The following GAD1 variants were observed in gnomAD, a reference collection of about 807,000 sequenced individuals.
GAD1 encodes the protein glutamate decarboxylase 1.
Under a neutral mutation model 75.2 loss-of-function variants are expected in GAD1, and 35 were observed. The observed-to-expected ratio is 0.47, with a 90% confidence interval of 0.36 to 0.62. The LOEUF (loss-of-function observed/expected upper bound fraction) is 0.62, where lower values mean the gene tolerates loss of function less well. Among genes scored for constraint, GAD1 ranks in the 20% least tolerant of loss-of-function variants. The probability of loss-of-function intolerance (pLI) is 0.00; values close to 1 mark genes in which losing one functional copy is unlikely to be tolerated. For missense variants in GAD1, 490 were observed against 758.5 expected (o/e 0.65, Z 4.16); for synonymous variants, 257 against 271.9 (o/e 0.95, Z 0.54).
chr2:170,855,518 T>A (rs1358451810), intron 14 of GAD1, among the ~76,000 whole-genome samples: 1 of 151,304 alleles, frequency 6.6e-6, no homozygotes, highest in Non-Finnish European at 1.5e-5. Flanking sequence ...CTATTTTGAC[T>A]TAATATAGAA....
chr2:170,848,592 T>C, intron 11 of GAD1: 1 of 449,434 alleles, frequency 2.2e-6, no homozygotes, highest in South Asian at 1.6e-5. Flanking sequence ...AGAGACTTAA[T>C]CCCAAATCTT....
intron 12 of GAD1, among the ~76,000 whole-genome samples, chr2:170,850,425 G>C (rs1048071236): frequency 6.6e-6 from 1 of 152,230 alleles, no homozygotes; most frequent in Admixed American, 6.5e-5. Flanking sequence ...CAGTATTCTA[G>C]GCAGTGCGAG....
chr2:170,845,944 GT>G (rs1486394989), intron 9 of GAD1, 64 bp from the exon 10 acceptor site: 1 of 1,542,720 alleles, frequency 6.5e-7, no homozygotes, highest in Non-Finnish European at 9.0e-7. Flanking sequence ...TGCTGCTAAA[GT>G]TTTTTTCATG....
At chr2:170,858,739 G>C in intron 15 of GAD1, 65 bp from the exon 16 acceptor site, 7 of 1,482,078 alleles carry the variant, frequency 4.7e-6, no homozygotes, top group Non-Finnish European at 6.6e-6. Flanking sequence ...ATGCATATTG[G>C]TTTGGGAACA....
chr2:170,827,064 TA>T (rs1702042918), intron 3 of GAD1, among the ~76,000 whole-genome samples: 1 of 152,158 alleles, frequency 6.6e-6, no homozygotes, highest in Non-Finnish European at 1.5e-5. Flanking sequence ...GCTTTAGTGA[TA>T]AATGTAAAAG....
chr2:170,840,309 C>T (rs1284046241), intron 6 of GAD1, among the ~76,000 whole-genome samples: 5 of 152,204 alleles, frequency 3.3e-5, no homozygotes, highest in Non-Finnish European at 7.3e-5. Context: ...TGTCTCTCAT[C>T]ATCTGGACAG....
At chr2:170,831,560 G>A (rs1702224181) in intron 5 of GAD1, among the ~76,000 whole-genome samples, 1 of 149,630 alleles carries the variant, frequency 6.7e-6, no homozygotes, top group Admixed American at 6.7e-5. Flanking sequence ...TTCGAGACCA[G>A]CCTGGGCAAC....
chr2:170,848,945 G>C (rs1175589615), intron 11 of GAD1: 2 of 422,838 alleles, frequency 4.7e-6, no homozygotes, highest in Non-Finnish European at 9.1e-6. Flanking sequence ...GCAGCTTCCA[G>C]AGCCACCCGG....
At chr2:170,826,901 A>G (rs1332236892) in intron 3 of GAD1, among the ~76,000 whole-genome samples, 3 of 152,244 alleles carry the variant, frequency 2.0e-5, no homozygotes, top group African/African-American at 4.8e-5. Flanking sequence ...TCCCTCTGGC[A>G]AATGAGTGCT....
At chr2:170,850,070 C>A (rs1303063799) in intron 12 of GAD1, among the ~76,000 whole-genome samples, 1 of 152,204 alleles carries the variant, frequency 6.6e-6, no homozygotes, top group Non-Finnish European at 1.5e-5. Flanking sequence ...CTATCATGAG[C>A]CAGGTAGGAG....
chr2:170,837,337 T>C (rs543965790), intron 6 of GAD1, among the ~76,000 whole-genome samples: 4 of 152,364 alleles, frequency 2.6e-5, no homozygotes, highest in Admixed American at 2.6e-4. Flanking sequence ...AAAACAAAAT[T>C]CAGCCGATAC....
chr2:170,855,209 C>CTTTTTTTTTTTTTTTTTTGTGTTTTTTTT (rs1702825714), intron 14 of GAD1, among the ~76,000 whole-genome samples: 1 of 129,284 alleles, frequency 7.7e-6, no homozygotes. Flanking sequence ...GTCATTTTGT[C>CTTTTTTTTTTTTTTTTTTGTGTTTTTTTT]TTTTTTTTTT....
intron 6 of GAD1, among the ~76,000 whole-genome samples, chr2:170,838,903 G>A (rs761465414): frequency 1.2e-4 from 18 of 152,184 alleles, no homozygotes; most frequent in African/African-American, 2.4e-4. Flanking sequence ...CCAACAGATC[G>A]ATAGAGAAGG....
At chr2:170,847,596 C>T (rs949684083) in intron 10 of GAD1, 80 bp from the exon 11 acceptor site, 10 of 955,674 alleles carry the variant, frequency 1.0e-5, no homozygotes, top group South Asian at 9.0e-5. Context: ...ATAAATGTTA[C>T]ACAATTCTTC....
intron 3 of GAD1, among the ~76,000 whole-genome samples, chr2:170,823,514 G>A (rs1222752533): frequency 6.6e-5 from 10 of 152,186 alleles, no homozygotes; most frequent in African/African-American, 2.4e-4. Context: ...GCCCAGCCCT[G>A]CCGCCGGGCG....
chr2:170,830,664 C>G (rs1463887809), intron 4 of GAD1, among the ~76,000 whole-genome samples: 1 of 152,228 alleles, frequency 6.6e-6, no homozygotes, highest in Non-Finnish European at 1.5e-5. Flanking sequence ...CCCATTCAAC[C>G]TGCAGATGAC....
chr2:170,850,678 G>A (rs1702728384), intron 12 of GAD1, among the ~76,000 whole-genome samples: 1 of 152,176 alleles, frequency 6.6e-6, no homozygotes, highest in South Asian at 2.1e-4. Context: ...GTCAACGTGG[G>A]TGAGACCGGC....
At chr2:170,821,870 A>C in intron 2 of GAD1, 2 of 566,702 alleles carry the variant, frequency 3.5e-6, no homozygotes, top group Non-Finnish European at 6.4e-6. Flanking sequence ...ACACCGTTCC[A>C]TATTTGAAGC....
upstream of GAD1, chr2:170,816,203 A>T (rs1701694488): frequency 6.6e-6 from 1 of 152,444 alleles, no homozygotes; most frequent in Admixed American, 6.5e-5. Flanking sequence ...AGCGCATAGC[A>T]AAAGGGACGC....
Sources: gnomAD v4.1 joint callset for allele counts (sites outside exome capture counted in the v4.1 genomes callset) on GRCh38, gnomAD v4.1.1 for gene constraint, MANE v1.5 for transcripts, NCBI Gene and HGNC (gene_info 2026-07-23, HGNC 2026-07-21) for gene names.